Variants in EXD2 observed in about 807,000 individuals in gnomAD.
EXD2 encodes the protein exonuclease 3'-5' domain-containing protein 2.
A neutral mutation model predicts 62.5 loss-of-function variants in EXD2; 40 were observed. The observed-to-expected ratio is 0.64, with a 90% CI of 0.50 to 0.83. The LOEUF (loss-of-function observed/expected upper bound fraction) is 0.83, where lower values mean the gene tolerates loss of function less well. EXD2 is among the 40% of genes least tolerant of loss of function. The pLI, the probability that EXD2 is intolerant of heterozygous loss-of-function variation, is 0.00. For synonymous variants in EXD2, 239 were observed against 291.9 expected (o/e 0.82, Z 1.85); for missense variants, 671 against 761.8 (o/e 0.88, Z 1.40).
intron 1 of EXD2, among the ~76,000 whole-genome samples, chr14:69,199,136 C>T (rs2140191710): frequency 6.6e-6 from 1 of 152,256 alleles, no homozygotes; most frequent in African/African-American, 2.4e-5. Flanking sequence ...CCCGGCTACT[C>T]AGGAGGCTGA....
At chr14:69,208,710 C>T (rs2042704106) in intron 2 of EXD2, 1 of 152,226 alleles carries the variant, frequency 6.6e-6, no homozygotes, top group Non-Finnish European at 1.5e-5. Flanking sequence ...GTGGACACTT[C>T]AGTTTGCATC....
intron 3 of EXD2, among the ~76,000 whole-genome samples, chr14:69,223,245 A>G (rs1279841942): frequency 1.3e-5 from 2 of 152,212 alleles, no homozygotes; most frequent in African/African-American, 4.8e-5. Context: ...CAAATTCAGA[A>G]TGCCAGCCTT....
chr14:69,207,348 G>T (rs573292503), intron 2 of EXD2, among the ~76,000 whole-genome samples: 2 of 152,230 alleles, frequency 1.3e-5, no homozygotes, highest in South Asian at 4.1e-4. Flanking sequence ...ACACAAATTA[G>T]CTGGGTATGG....
intron 3 of EXD2, among the ~76,000 whole-genome samples, chr14:69,215,244 T>G (rs1414417173): frequency 6.6e-6 from 1 of 151,916 alleles, no homozygotes; most frequent in East Asian, 1.9e-4. Context: ...GAGCTGAGAG[T>G]GTGCCACTGC....
At chr14:69,229,116 A>G (rs747795122) in intron 4 of EXD2, 44 bp downstream of exon 4, 2 of 1,605,246 alleles carry the variant, frequency 1.2e-6, no homozygotes, top group South Asian at 2.2e-5. Context: ...CTGCGGGACA[A>G]ATATTTTAGC....
At chr14:69,200,412 C>T (rs2042355278) in intron 1 of EXD2, among the ~76,000 whole-genome samples, 1 of 151,998 alleles carries the variant, frequency 6.6e-6, no homozygotes, top group African/African-American at 2.4e-5. Context: ...TTAAAAATGG[C>T]TAAAATGGGC....
Position 69,241,242 on chromosome 14 carries a change from C to G in EXD2, c.*142C>G, listed in dbSNP as rs1232783798. 1 of 666,780 alleles carries G rather than the reference C, an allele frequency of 1.5e-6. No homozygotes were observed. Among genetic ancestry groups the G allele is most frequent in the Non-Finnish European group, 2.5e-6 (1 of 401,714 alleles). The allele number at this position is 666,780 out of a possible 1,614,324, so 41.3% of individuals were successfully genotyped here. A position where few individuals can be genotyped will look rare whatever the true frequency, so the allele number is the denominator to read the frequency against. On this transcript the variant is annotated 3_prime_UTR_variant, in exon 10 of 10. Coordinates refer to ENST00000685843, the MANE Select transcript of EXD2 (RefSeq NM_001193360.2). ...ACTAACCTAGACTAATCCCAGGATGCTTCTGCTGGAGCAAAGATATTGTTT... is the reference window on the plus strand; with the variant it reads ...ACTAACCTAGACTAATCCCAGGATGGTTCTGCTGGAGCAAAGATATTGTTT...
intron 3 of EXD2, among the ~76,000 whole-genome samples, chr14:69,226,774 T>A (rs1415453909): frequency 7.0e-5 from 1 of 14,264 alleles, no homozygotes; most frequent in Non-Finnish European, 1.0e-4. Context: ...GCCCTCCCAG[T>A]TTTTTTTTTT....
intron 9 of EXD2, 127 bp from the exon 10 acceptor site, chr14:69,240,757 A>G (rs1191404881): frequency 2.8e-6 from 2 of 709,074 alleles, no homozygotes; most frequent in Admixed American, 2.9e-5. Flanking sequence ...CGAAAACACC[A>G]AAGTAACTAA....
At chr14:69,208,296 C>T (rs71423348) in intron 2 of EXD2, among the ~76,000 whole-genome samples, 4,169 of 150,254 alleles carry the variant, frequency 0.028, 69 homozygotes, top group Non-Finnish European at 0.038. Context: ...CTGCAAGCTC[C>T]GCCTCCCGGG....
rs1473740332 is a variant in EXD2, at chr14:69,237,876, AAC to A, written c.1598_1599del (p.Thr533ArgfsTer21). 1 of 1,606,458 alleles carries A rather than the reference AAC, an allele frequency of 6.2e-7. No homozygotes were observed. Among genetic ancestry groups the A allele is most frequent in the Non-Finnish European group, 8.5e-7 (1 of 1,176,908 alleles). ...ELLQALREFY[N>X]TDVVTEEMLQ... The stretch of plus-strand genomic sequence containing the variant: ...GCTGCAAGCACTCAGAGAGTTTTAT[AAC>A]ACAGACGTGGTCACAGAGGAGATGC... On this transcript the variant is annotated frameshift_variant, in exon 9 of 10. Transcript: ENST00000685843. LOFTEE classifies it high-confidence loss of function.
intron 1 of EXD2, among the ~76,000 whole-genome samples, chr14:69,201,672 G>GTTT (rs71102634): frequency 3.2e-4 from 19 of 59,014 alleles, no homozygotes; most frequent in African/African-American, 5.4e-4. Flanking sequence ...TGTTTTCTCT[G>GTTT]TTTTTTTTTT....
chr14:69,218,986 T>C (rs1468167878), intron 3 of EXD2, among the ~76,000 whole-genome samples: 1 of 152,228 alleles, frequency 6.6e-6, no homozygotes, highest in Non-Finnish European at 1.5e-5. Context: ...GTCTTGGCAA[T>C]GCAGGCTGTT....
At chr14:69,209,957 G>C (rs917071549) in intron 3 of EXD2, among the ~76,000 whole-genome samples, 154 bp downstream of exon 3, 1 of 152,126 alleles carries the variant, frequency 6.6e-6, no homozygotes, top group Non-Finnish European at 1.5e-5. Flanking sequence ...AGAAGAAGAA[G>C]CTGCTGTTCC....
Position 69,237,789 on chromosome 14 carries a change from C to T in EXD2, c.1507C>T (p.Arg503Cys), listed in dbSNP as rs764806085. Residue 503 changes from arginine (R) to cysteine (C), a missense_variant, in exon 9 of 10, where the codon CGT becomes TGT. Transcript: ENST00000685843. ...GGAAGATCCTGAGCGCCGGCAGGTG[C>T]GTTCTGGGGCCAGGGCCCTGCTCAA... ...LLEDPERRQV[R>C]SGARALLNAE... is the part of the protein sequence containing the mutation. 7 of 1,613,518 alleles carry T rather than the reference C, an allele frequency of 4.3e-6. No homozygotes were observed. The highest frequency in any genetic ancestry group is 2.2e-5 in the East Asian group (1 of 44,890).
chr14:69,222,886 A>G (rs1225001897), intron 3 of EXD2, among the ~76,000 whole-genome samples: 1 of 152,208 alleles, frequency 6.6e-6, no homozygotes, highest in Admixed American at 6.5e-5. Flanking sequence ...TGGTAAGTGA[A>G]GACAACATTT....
chr14:69,223,602 G>A (rs2043262609), intron 3 of EXD2, among the ~76,000 whole-genome samples: 1 of 152,180 alleles, frequency 6.6e-6, no homozygotes, highest in Non-Finnish European at 1.5e-5. Context: ...AGGTATAACT[G>A]TGGATAAATC....
chr14:69,232,048 G>T (rs1566838221), intron 5 of EXD2, among the ~76,000 whole-genome samples: 3 of 152,096 alleles, frequency 2.0e-5, no homozygotes, highest in African/African-American at 7.2e-5. Context: ...ACTGAGTGGG[G>T]GAAAGGTGCC....
intron 3 of EXD2, among the ~76,000 whole-genome samples, chr14:69,220,255 T>C (rs2043130808): frequency 3.8e-5 from 1 of 26,578 alleles, no homozygotes; most frequent in African/African-American, 1.8e-4. Flanking sequence ...GTCTCTCTGT[T>C]TTTTTTTTTT....
Sources: allele counts gnomAD v4.1 joint callset (sites outside exome capture counted in the v4.1 genomes callset), GRCh38; gene constraint gnomAD v4.1.1; transcripts MANE v1.5; gene names NCBI Gene and HGNC (gene_info 2026-07-23, HGNC 2026-07-21).